The following C3 variants were observed in gnomAD, a reference collection of about 807,000 sequenced individuals.
C3 encodes complement C3.
In C3, 97 loss-of-function variants were observed where a neutral mutation model predicts 207.9. That is an observed-to-expected ratio of 0.47 (90% CI 0.40 to 0.55). The LOEUF is 0.55. Among genes scored for constraint, C3 ranks in the 20% least tolerant of loss-of-function variants. C3 has a pLI of 0.00. For missense variants in C3, 1,684 were observed against 2,171.7 expected (o/e 0.78, Z 4.46); for synonymous variants, 848 against 857.6 (o/e 0.99, Z 0.20).
At chr19:6,704,879 CAG>C (rs1967741282) in intron 17 of C3, among the ~76,000 whole-genome samples, 1 of 148,518 alleles carries the variant, frequency 6.7e-6, no homozygotes, top group Non-Finnish European at 1.5e-5. Context: ...GCCTGGGTGA[CAG>C]AGCAAGATTC....
intron 35 of C3, among the ~76,000 whole-genome samples, chr19:6,681,385 A>C (rs1281433849): frequency 6.7e-6 from 1 of 148,878 alleles, no homozygotes; most frequent in East Asian, 2.0e-4. Flanking sequence ...CATAATATTT[A>C]TGAAAAAAAA....
intron 29 of C3, among the ~76,000 whole-genome samples, chr19:6,685,513 A>G (rs1235323513): frequency 6.6e-6 from 1 of 152,206 alleles, no homozygotes. Context: ...CTCATGAAGA[A>G]CAGAATGAAA....
chr19:6,701,626 A>G (rs1456537952), intron 19 of C3, among the ~76,000 whole-genome samples: 1 of 151,952 alleles, frequency 6.6e-6, no homozygotes, highest in Non-Finnish European at 1.5e-5. Flanking sequence ...GTTCAACCAA[A>G]TCTCCTGCCT....
chr19:6,689,379 C>CTCTCTCTG, intron 27 of C3, among the ~76,000 whole-genome samples: 1 of 136,530 alleles, frequency 7.3e-6, no homozygotes, highest in East Asian at 2.6e-4. Context: ...CTCTCTCTCT[C>CTCTCTCTG]TCTCTCTCTG....
Position 6,719,193 on chromosome 19 carries a change from G to A in C3, c.267+18C>T, listed in dbSNP as rs1312806988. 1 of 1,612,440 alleles carries A rather than the reference G, an allele frequency of 6.2e-7. No homozygotes were observed. Among genetic ancestry groups the A allele is most frequent in the Non-Finnish European group, 8.5e-7 (1 of 1,178,604 alleles). ...TGGCTGTGGGTGTCAGCCGGGTCCTGCGCCAGTCTGCACTCACCGTGAAGG... is the reference window on the plus strand; with the variant it reads ...TGGCTGTGGGTGTCAGCCGGGTCCTACGCCAGTCTGCACTCACCGTGAAGG... On this transcript the variant is annotated intron_variant, in intron 2 of 40. Transcript: ENST00000245907. The surrounding 1 kb of genome is among the most constrained non-coding windows in gnomAD (Gnocchi z 5.4).
intron 27 of C3, among the ~76,000 whole-genome samples, chr19:6,689,336 CCT>C (rs1918101639): frequency 2.1e-5 from 1 of 46,778 alleles, no homozygotes; most frequent in African/African-American, 1.2e-4. Context: ...TACCTCCCTC[CCT>C]CCCTCCCTCC....
chr19:6,693,225 G>T, intron 25 of C3, 142 bp from the exon 26 acceptor site: 1 of 1,145,390 alleles, frequency 8.7e-7, no homozygotes, highest in Non-Finnish European at 1.3e-6. Flanking sequence ...CCCAGCTGTT[G>T]TATGCGGTCC....
Position 6,710,718 on chromosome 19 carries a change from G to A in C3, c.1607C>T (p.Thr536Met), listed in dbSNP as rs748333328. The change falls in exon 13 of 41, where the codon ACG (threonine) becomes ATG (methionine). Residue 536 changes from threonine (T) to methionine (M), a missense_variant. Transcript: ENST00000245907. The stretch of plus-strand genomic sequence containing the variant: ...CCTCTGGCCGCTGGCACCGATCAGC[G>A]TGTAGTACGCCACCAGGCGGAAGGA... Reference protein sequence around the residue: ...IPSFRLVAYYTLIGASGQREV... With the variant: ...IPSFRLVAYYMLIGASGQREV... 8.1e-6 allele frequency: 13 copies of A among 1,613,828 alleles called. No homozygotes were observed. Among genetic ancestry groups the A allele is most frequent in the Middle Eastern group, 1.7e-4 (1 of 6,060 alleles).
chr19:6,694,539 T>C lies in C3; in HGVS notation c.3046A>G (p.Ile1016Val). The change falls in exon 24 of 41, where the codon ATC (isoleucine) becomes GTC (valine). Residue 1016 changes from isoleucine (I) to valine (V), a missense_variant. By Grantham distance (29) the Ile-to-Val change is conservative. Transcript: ENST00000245907. ...TPSGCGEQNM[I>V]GMTPTVIAVH... is the part of the protein sequence containing the mutation. ...GCGATGACCGTGGGCGTCATGCCGA[T>C]CATGTTCTGTTCCCCGCAGCCCGAG... 6.2e-7 allele frequency: 1 copy of C among 1,614,094 alleles called. No individual in the cohort carries two copies. The highest frequency in any genetic ancestry group is 8.5e-7 in the Non-Finnish European group (1 of 1,179,990).
intron 4 of C3, chr19:6,717,829 TTGTG>T: frequency 5.1e-6 from 3 of 590,724 alleles, no homozygotes; most frequent in South Asian, 1.9e-5. Flanking sequence ...TGTTGTGTGT[TTGTG>T]TGTGTTGCAT....
At chr19:6,712,476 G>T in intron 10 of C3, 32 bp downstream of exon 10, 11 of 1,613,622 alleles carry the variant, frequency 6.8e-6, no homozygotes, top group Non-Finnish European at 9.3e-6. Context: ...CCCGAAGGGA[G>T]GAGTGGGACC....
At chr19:6,718,583 G>T (rs1342096704) in intron 2 of C3, among the ~76,000 whole-genome samples, 171 bp from the exon 3 acceptor site, 3 of 151,662 alleles carry the variant, frequency 2.0e-5, no homozygotes, top group Non-Finnish European at 2.9e-5. Flanking sequence ...GGAGAGGGGG[G>T]ACCAGGGAGG....
At chr19:6,680,977 T>G (rs1917843551) in intron 35 of C3, among the ~76,000 whole-genome samples, 1 of 152,078 alleles carries the variant, frequency 6.6e-6, no homozygotes, top group Non-Finnish European at 1.5e-5. Context: ...GGCAGGAAGA[T>G]CGCTTGAGGC....
At chr19:6,703,481 C>T (rs574216424) in intron 17 of C3, among the ~76,000 whole-genome samples, 1 of 152,256 alleles carries the variant, frequency 6.6e-6, no homozygotes, top group East Asian at 1.9e-4. Context: ...GCAGCGGGCA[C>T]CTGTAGTCCC....
chr19:6,686,883 G>A lies in C3; in HGVS notation c.3509C>T (p.Thr1170Ile). The A allele has an allele frequency of 6.2e-7, 1 of 1,614,206 alleles. No individual in the cohort carries two copies. Residue 1170 changes from threonine to isoleucine, a missense_variant, in exon 28 of 41, where the codon ACT becomes ATT. Physicochemically the swap from Thr to Ile is moderately conservative, Grantham distance 89. This residue lies in a region of C3 where 1,280 missense variants were observed against 1,739.1 expected (regional missense o/e 0.74). Transcript: ENST00000245907. ...EQVNSLPGSI[T>I]KAGDFLEANY... ...GGCTTCAAGGAAGTCTCCTGCTTTA[G>A]TGATGCTGCCTGGCAGGCTCTATGA...
At chr19:6,707,321 G>A (rs755490359) in intron 16 of C3, 48 bp from the exon 17 acceptor site, 4 of 1,600,900 alleles carry the variant, frequency 2.5e-6, no homozygotes, top group African/African-American at 2.7e-5. Flanking sequence ...CCGGGGGCCG[G>A]CAGCAGGAGG....
intron 17 of C3, among the ~76,000 whole-genome samples, chr19:6,705,831 C>T (rs941756337): frequency 5.3e-5 from 8 of 152,038 alleles, no homozygotes; most frequent in South Asian, 4.2e-4. Context: ...CCTGCCAGCT[C>T]GCCAGGCTAT....
chr19:6,710,063 C>T (rs577233300), intron 13 of C3, among the ~76,000 whole-genome samples: 11 of 62,946 alleles, frequency 1.7e-4, no homozygotes, highest in African/African-American at 4.9e-4. Context: ...GGGAGAGAGA[C>T]GGAGAGACAG....
intron 35 of C3, 68 bp from the exon 36 acceptor site, chr19:6,680,331 T>G (rs1599497198): frequency 2.4e-6 from 2 of 846,986 alleles, no homozygotes; most frequent in East Asian, 4.9e-5. Flanking sequence ...TCTTGGGAGC[T>G]GAGGCAGTGG....
Sources: allele counts gnomAD v4.1 joint callset (sites outside exome capture counted in the v4.1 genomes callset), GRCh38; gene constraint gnomAD v4.1.1; regional missense constraint gnomAD v4.1.1; non-coding constraint Gnocchi (gnomAD v3.1); transcripts MANE v1.5; gene names NCBI Gene and HGNC (gene_info 2026-07-23, HGNC 2026-07-21).